The following MAN2B1 variants were observed in gnomAD, a reference collection of about 807,000 sequenced individuals.
MAN2B1 encodes lysosomal alpha-mannosidase.
MAN2B1 carries 99 observed loss-of-function variants against 127.5 expected under a neutral mutation model. That is an observed-to-expected ratio of 0.78 (90% CI 0.66 to 0.92). The LOEUF (loss-of-function observed/expected upper bound fraction) is 0.92, where lower values mean the gene tolerates loss of function less well. Ranked by LOEUF, MAN2B1 falls within the 40% of genes least tolerant of loss-of-function variation. MAN2B1 has a pLI of 0.00. For missense variants in MAN2B1, 1,304 were observed against 1,384.8 expected (o/e 0.94, Z 0.93); for synonymous variants, 573 against 568.8 (o/e 1.01, Z -0.11).
In MAN2B1 at chr19:12,647,203, C is replaced by A; in HGVS notation, c.2923+30G>T. 1 of 1,585,510 alleles carries A rather than the reference C, an allele frequency of 6.3e-7. No individual in the cohort carries two copies. On this transcript the variant is annotated intron_variant, in intron 23 of 23. Coordinates refer to ENST00000456935, the MANE Select transcript of MAN2B1 (RefSeq NM_000528.4). This position sits in a 1 kb window ranked among gnomAD's most constrained non-coding sequence, Gnocchi z 4.9. Reference sequence around the variant, plus strand: ...CCTGCCGGCCCCAGGTAAGACTCCACCCCTTCCCTACCCCTGACCAGGGCC... The same window carrying A: ...CCTGCCGGCCCCAGGTAAGACTCCAACCCTTCCCTACCCCTGACCAGGGCC...
rs1266505819 is a variant in MAN2B1, at chr19:12,646,735, G to A, written c.2924-3C>T. The A allele has an allele frequency of 1.2e-6, 2 of 1,605,400 alleles. No homozygotes were observed. The highest frequency in any genetic ancestry group is 1.7e-6 in the Non-Finnish European group (2 of 1,172,094). Reference sequence around the variant, plus strand: ...CGGAGTTTGGTGGGGTGTGGGGCCTGGAGAGGTGCAGGGGGAAGGAGGAGT... The same window carrying A: ...CGGAGTTTGGTGGGGTGTGGGGCCTAGAGAGGTGCAGGGGGAAGGAGGAGT... On this transcript the variant is annotated splice_polypyrimidine_tract_variant and splice_region_variant and intron_variant, in intron 23 of 23. Coordinates refer to ENST00000456935, the MANE Select transcript of MAN2B1 (RefSeq NM_000528.4).
chr19:12,647,701 G>T lies in MAN2B1; in HGVS notation c.2665-103C>A. ...AGGCAGGGCTAGGTTGTAGGGGCGGGGTTTCGCCGGAGAGGGGCAAGGCTC... is the reference window on the plus strand; with the variant it reads ...AGGCAGGGCTAGGTTGTAGGGGCGGTGTTTCGCCGGAGAGGGGCAAGGCTC... On this transcript the variant is annotated intron_variant, in intron 21 of 23. Coordinates refer to ENST00000456935, the MANE Select transcript of MAN2B1 (RefSeq NM_000528.4). The surrounding 1 kb of genome is among the most constrained non-coding windows in gnomAD (Gnocchi z 4.9). 1.1e-6 allele frequency: 1 copy of T among 939,006 alleles called. No individual in the cohort carries two copies. The highest frequency in any genetic ancestry group is 1.6e-6 in the Non-Finnish European group (1 of 630,960). 58.2% of individuals were successfully genotyped at this position (939,006 alleles called of 1,614,324 possible).
intron 4 of MAN2B1, among the ~76,000 whole-genome samples, chr19:12,664,204 T>A (rs2024174044): frequency 1.3e-5 from 2 of 152,154 alleles, no homozygotes; most frequent in African/African-American, 4.8e-5. Flanking sequence ...CCAGCCTGGA[T>A]GACAGCAAGA....
intron 21 of MAN2B1, 27 bp downstream of exon 21, chr19:12,648,148 C>T (rs2023739650): frequency 9.2e-6 from 14 of 1,525,374 alleles, no homozygotes; most frequent in Non-Finnish European, 1.2e-5. Context: ...CAATCCGGTC[C>T]TCTCTGCCTA....
rs1174819545 is a variant in MAN2B1, at chr19:12,657,756, C to T, written c.1310-201G>A. ...GGCGGATCACGAGGTCAGATCGAGACCATCCTGGCTAACATGGTGAAACCC... is the reference window on the plus strand; with the variant it reads ...GGCGGATCACGAGGTCAGATCGAGATCATCCTGGCTAACATGGTGAAACCC... On this transcript the variant is annotated intron_variant, in intron 10 of 23. Transcript: ENST00000456935. The T allele has an allele frequency of 4.8e-6, 3 of 628,984 alleles. No individual in the cohort carries two copies. In the African/African-American group the frequency reaches 5.5e-5, roughly 11 times the overall value. The allele number at this position is 628,984 out of a possible 1,614,324, so 39.0% of individuals were successfully genotyped here. A position where few individuals can be genotyped will look rare whatever the true frequency, so the allele number is the denominator to read the frequency against.
At chr19:12,654,015 A>T (rs915910637) in intron 14 of MAN2B1, among the ~76,000 whole-genome samples, 1 of 143,496 alleles carries the variant, frequency 7.0e-6, no homozygotes, top group African/African-American at 2.6e-5. Context: ...CAACGTGCCC[A>T]CCCCAGCCTT....
chr19:12,650,104 C>T lies in MAN2B1; in HGVS notation c.2165G>A (p.Gly722Asp), dbSNP rs778884658. ...LEWSVGPIPVGDTWGKEVISR... is the reference protein window; with the variant it reads ...LEWSVGPIPVDDTWGKEVISR... ...CCCTCTCCCAGCCTGTGCCACTCAC[C>T]CCACAGGTATCGGCCCCACCGACCA... The change falls in exon 17 of 24, where the codon GGC becomes GAC. Residue 722 changes from glycine to aspartate, a missense_variant and splice_region_variant. Gly to Asp is a moderately conservative substitution (Grantham distance 94, BLOSUM62 -1). Coordinates refer to ENST00000456935, the MANE Select transcript of MAN2B1 (RefSeq NM_000528.4). 1.2e-6 allele frequency: 2 copies of T among 1,613,298 alleles called. No homozygotes were observed. The highest frequency in any genetic ancestry group is 2.2e-5 in the South Asian group (2 of 91,060).
At chr19:12,660,461 C>CA (rs765048141) in intron 7 of MAN2B1, among the ~76,000 whole-genome samples, 19 of 152,280 alleles carry the variant, frequency 1.2e-4, no homozygotes, top group Non-Finnish European at 2.2e-4. Context: ...GAGAGCACGC[C>CA]ACTGCACTCC....
At chr19:12,649,252 C>A in intron 19 of MAN2B1, 36 bp from the exon 20 acceptor site, 7 of 1,608,608 alleles carry the variant, frequency 4.4e-6, no homozygotes, top group Non-Finnish European at 6.0e-6. Flanking sequence ...GGGCAGTCAA[C>A]CCCAACCCCA....
In MAN2B1 at chr19:12,649,291, G is replaced by T. The variant is rs200525886; in HGVS notation, c.2355+50C>A. 117 of 1,598,116 alleles carry T rather than the reference G, an allele frequency of 7.3e-5. No homozygotes were observed. The East Asian group carries it at 2.5e-3, about 34-fold the overall frequency. The stretch of plus-strand genomic sequence containing the variant: ...AGCTTTGAGATGCTGCAGATAAGGG[G>T]TGATTCCCTTTCTATCGAGGTGGGG... On this transcript the variant is annotated intron_variant, in intron 19 of 23. Transcript: ENST00000456935.
At chr19:12,662,041 CG>C (rs2024120661) in intron 6 of MAN2B1, among the ~76,000 whole-genome samples, 1 of 152,046 alleles carries the variant, frequency 6.6e-6, no homozygotes, top group South Asian at 2.1e-4. Flanking sequence ...GACAGGGTTT[CG>C]TCATTTTGGC....
Position 12,647,325 on chromosome 19 carries a change from G to A in MAN2B1, c.2831C>T (p.Ser944Phe), listed in dbSNP as rs775663639. 1 of 1,614,142 alleles carries A rather than the reference G, an allele frequency of 6.2e-7. No homozygotes were observed. Among genetic ancestry groups the A allele is most frequent in the East Asian group, 2.2e-5 (1 of 44,884 alleles). Residue 944 changes from serine (S) to phenylalanine (F), a missense_variant, in exon 23 of 24, where the codon TCC (serine) becomes TTC (phenylalanine). Physicochemically the swap from Ser to Phe is radical, Grantham distance 155. Coordinates refer to ENST00000456935, the MANE Select transcript of MAN2B1 (RefSeq NM_000528.4). This position sits in a 1 kb window ranked among gnomAD's most constrained non-coding sequence, Gnocchi z 4.9. Reference protein sequence around the residue: ...PVTLNLRDLFSTFTITRLQET... With the variant: ...PVTLNLRDLFFTFTITRLQET... ...CTGCAGGCGGGTGATGGTGAAGGTG[G>A]AGAACAGGTCCTGCGGGGAAGGGGA... is the stretch of plus-strand genomic sequence containing the variant.
At chr19:12,655,239 G>A (rs1223780137) in intron 14 of MAN2B1, among the ~76,000 whole-genome samples, 1 of 152,154 alleles carries the variant, frequency 6.6e-6, no homozygotes, top group Non-Finnish European at 1.5e-5. Flanking sequence ...CCTGTCACCC[G>A]TTCACCCTGC....
intron 11 of MAN2B1, 123 bp downstream of exon 11, chr19:12,657,323 C>A: frequency 2.2e-6 from 2 of 925,454 alleles, no homozygotes; most frequent in Non-Finnish European, 1.7e-6. Context: ...CCCCACGAGC[C>A]CTTGTAGCCC....
Position 12,656,600 on chromosome 19 carries a change from C to T in MAN2B1, c.1615G>A (p.Asp539Asn). ...CTGGGCACTGTCCTGCCATTGGGGT[C>T]CTTCACAACGAAAACGCCTTCGCTG... The part of the protein sequence containing the change: ...PVSEGVFVVK[D>N]PNGRTVPSDV... The change falls in exon 13 of 24, where the codon GAC becomes AAC. Residue 539 changes from aspartate (D) to asparagine (N), a missense_variant. Physicochemically the swap from Asp to Asn is conservative, Grantham distance 23. Coordinates refer to ENST00000456935, the MANE Select transcript of MAN2B1 (RefSeq NM_000528.4). 1 of 1,613,848 alleles carries T rather than the reference C, an allele frequency of 6.2e-7. No individual in the cohort carries two copies. Among genetic ancestry groups the T allele is most frequent in the Non-Finnish European group, 8.5e-7 (1 of 1,179,838 alleles).
In MAN2B1 at chr19:12,663,318, T is replaced by C; in HGVS notation, c.908A>G (p.Gln303Arg). 6.2e-7 allele frequency: 1 copy of C among 1,614,210 alleles called. No individual in the cohort carries two copies. Among genetic ancestry groups the C allele is most frequent in the Non-Finnish European group, 8.5e-7 (1 of 1,180,032 alleles). Residue 303 changes from glutamine (Q) to arginine (R), a missense_variant and splice_region_variant, in exon 6 of 24, where the codon CAG (glutamine) becomes CGG (arginine). Gln to Arg is a conservative substitution (Grantham distance 43). Transcript: ENST00000456935. ...GAAGGTTCTGGACACCAGGGTTACC[T>C]GGGCAGTGGCCACATTTAGGAAGTA... ...VDYFLNVATA[Q>R]GRYYRTNHTV...
intron 7 of MAN2B1, among the ~76,000 whole-genome samples, chr19:12,660,565 G>T (rs566199514): frequency 2.0e-5 from 3 of 152,218 alleles, no homozygotes; most frequent in African/African-American, 7.2e-5. Context: ...AAAGGGATGT[G>T]ATTACAGAAA....
In MAN2B1 at chr19:12,647,536, G is replaced by A; in HGVS notation, c.2727C>T (p.Gly909=). The change falls in exon 22 of 24, where the codon GGC becomes GGT. Residue 909 remains glycine (G), a synonymous_variant. Transcript: ENST00000456935. This position sits in a 1 kb window ranked among gnomAD's most constrained non-coding sequence, Gnocchi z 4.9. ...SVHLLTLASW[G]PEMVLLRLEH... ...CCAAGCGCAGCAGCACCATTTCGGG[G>A]CCCCAGCTGGCCAGCGTGAGCAGGT... The A allele has an allele frequency of 6.2e-7, 1 of 1,614,206 alleles. No individual in the cohort carries two copies. The highest frequency in any genetic ancestry group is 1.1e-5 in the South Asian group (1 of 91,086).
chr19:12,657,161 G>T, intron 11 of MAN2B1, 105 bp from the exon 12 acceptor site: 1 of 771,058 alleles, frequency 1.3e-6, no homozygotes, highest in Non-Finnish European at 2.2e-6. Context: ...CCTCCCTCAA[G>T]AGTCGCCCCA....
Sources: allele counts gnomAD v4.1 joint callset (sites outside exome capture counted in the v4.1 genomes callset), GRCh38; gene constraint gnomAD v4.1.1; non-coding constraint Gnocchi (gnomAD v3.1); transcripts MANE v1.5; gene names NCBI Gene and HGNC (gene_info 2026-07-23, HGNC 2026-07-21).